ZNF804B: variants seen among roughly 807,000 people sequenced by gnomAD.
ZNF804B encodes zinc finger 804B.
ZNF804B carries 80 observed loss-of-function variants against 101.4 expected under a neutral mutation model. The ratio of observed to expected loss-of-function variants is 0.79; its 90% confidence interval spans 0.66 to 0.95. ZNF804B has a LOEUF of 0.95. ZNF804B is among the 40% of genes least tolerant of loss of function. ZNF804B has a pLI of 0.00. For missense variants in ZNF804B, 1,673 were observed against 1,561.9 expected (o/e 1.07, Z -1.20); for synonymous variants, 622 against 558.8 (o/e 1.11, Z -1.59).
chr7:88,789,993 A>T (rs1006517003), intron 1 of ZNF804B, among the ~76,000 whole-genome samples: 1 of 152,092 alleles, frequency 6.6e-6, no homozygotes, highest in African/African-American at 2.4e-5. Flanking sequence ...TTCTGCAAGA[A>T]ATCTATTACC....
chr7:89,211,934 C>A (rs531689601), intron 1 of ZNF804B, among the ~76,000 whole-genome samples: 1 of 152,084 alleles, frequency 6.6e-6, no homozygotes, highest in Non-Finnish European at 1.5e-5. Flanking sequence ...TTACTTTGAG[C>A]AGTATGGCCA....
intron 2 of ZNF804B, among the ~76,000 whole-genome samples, chr7:89,303,433 A>G (rs750879587): frequency 6.6e-6 from 1 of 151,948 alleles, no homozygotes; most frequent in Non-Finnish European, 1.5e-5. Context: ...GTACACAAAA[A>G]GTTAATCAGA....
intron 2 of ZNF804B, among the ~76,000 whole-genome samples, chr7:89,275,441 A>T (rs1789966541): frequency 6.6e-6 from 1 of 151,916 alleles, no homozygotes; most frequent in Non-Finnish European, 1.5e-5. Context: ...CTCAAAGTAG[A>T]AATCAAAATG....
intron 1 of ZNF804B, among the ~76,000 whole-genome samples, chr7:89,200,321 T>C (rs1174941103): frequency 2.6e-5 from 4 of 152,002 alleles, no homozygotes; most frequent in African/African-American, 9.7e-5. Flanking sequence ...TCATATACAA[T>C]TCCTATAGCC....
intron 2 of ZNF804B, among the ~76,000 whole-genome samples, chr7:89,274,738 A>G (rs1187233118): frequency 6.6e-6 from 1 of 151,466 alleles, no homozygotes; most frequent in Non-Finnish European, 1.5e-5. Context: ...TCTTATATCA[A>G]CTCTTCCACT....
intron 1 of ZNF804B, among the ~76,000 whole-genome samples, chr7:89,209,967 G>A (rs1425970226): frequency 6.6e-6 from 1 of 151,916 alleles, no homozygotes; most frequent in East Asian, 1.9e-4. Flanking sequence ...TGGTCAACAT[G>A]GTGAAACCCC....
At chr7:89,317,176 A>G (rs1316266024) in intron 2 of ZNF804B, among the ~76,000 whole-genome samples, 4 of 152,210 alleles carry the variant, frequency 2.6e-5, no homozygotes, top group Non-Finnish European at 4.4e-5. Context: ...GTCATTAGCC[A>G]CAGTGGGAGG....
intron 1 of ZNF804B, among the ~76,000 whole-genome samples, chr7:89,154,672 C>A (rs1790929653): frequency 6.6e-6 from 1 of 151,782 alleles, no homozygotes; most frequent in Admixed American, 6.6e-5. Context: ...AGCAATTGAC[C>A]TCATGGACAT....
intron 1 of ZNF804B, among the ~76,000 whole-genome samples, chr7:89,169,016 A>C (rs1489474969): frequency 6.6e-6 from 1 of 152,144 alleles, no homozygotes; most frequent in Admixed American, 6.6e-5. Context: ...GCCATGGGTC[A>C]AAGAAGAGAA....
chr7:88,806,905 A>G (rs1226578987), intron 1 of ZNF804B, among the ~76,000 whole-genome samples: 1 of 152,020 alleles, frequency 6.6e-6, no homozygotes, highest in Admixed American at 6.6e-5. Context: ...CTAGTTTTAC[A>G]TTTTTTATAA....
Position 89,272,884 on chromosome 7 carries a change from C to T in ZNF804B, c.250-54460C>T, listed in dbSNP as rs187499762. On this transcript the variant is annotated intron_variant, in intron 2 of 3. Coordinates refer to ENST00000333190, the MANE Select transcript of ZNF804B (RefSeq NM_181646.5). ...CAACTCCAATTCTGTCTACCTATTC[C>T]CCAGCTTTGGGACAAATGTTGCCTT... 7.2e-5 allele frequency among the ~76,000 whole-genome samples: 11 copies of T among 152,132 alleles called. No homozygotes were observed. The East Asian group carries it at 2.1e-3, about 29-fold the overall frequency.
intron 1 of ZNF804B, among the ~76,000 whole-genome samples, chr7:88,993,015 C>T (rs1438130215): frequency 6.6e-6 from 1 of 151,652 alleles, no homozygotes; most frequent in African/African-American, 2.4e-5. Flanking sequence ...ACAAAGATCA[C>T]ATATTTTATT....
intron 1 of ZNF804B, among the ~76,000 whole-genome samples, chr7:88,784,677 C>A (rs1461543101): frequency 1.3e-5 from 2 of 152,148 alleles, no homozygotes; most frequent in African/African-American, 4.8e-5. Context: ...ACCAGACTCT[C>A]GCTCCTCAAC....
At chr7:89,186,417 G>A (rs1788375823) in intron 1 of ZNF804B, among the ~76,000 whole-genome samples, 1 of 152,048 alleles carries the variant, frequency 6.6e-6, no homozygotes. Context: ...GTCTTTGCTT[G>A]TTTGATATAG....
chr7:88,781,624 C>T (rs189676930), intron 1 of ZNF804B, among the ~76,000 whole-genome samples: 1 of 152,104 alleles, frequency 6.6e-6, no homozygotes. Flanking sequence ...TGATAATTTT[C>T]TTATATCATT....
chr7:89,227,492 A>G (rs1411579191), intron 2 of ZNF804B, among the ~76,000 whole-genome samples: 4 of 152,222 alleles, frequency 2.6e-5, no homozygotes, highest in Non-Finnish European at 4.4e-5. Flanking sequence ...GAGAGTGTAT[A>G]AAAAAGAAAG....
chr7:89,234,822 C>T (rs572530309), intron 2 of ZNF804B, among the ~76,000 whole-genome samples: 1 of 152,280 alleles, frequency 6.6e-6, no homozygotes, highest in East Asian at 1.9e-4. Flanking sequence ...CTGGGAGATG[C>T]ACTGTTGTCT....
At chr7:88,783,739 G>A (rs1395279990) in intron 1 of ZNF804B, among the ~76,000 whole-genome samples, 1 of 152,078 alleles carries the variant, frequency 6.6e-6, no homozygotes, top group East Asian at 1.9e-4. Flanking sequence ...TAAAAAACAT[G>A]ATACGTTAGT....
chr7:89,064,512 G>C (rs1789425410), intron 1 of ZNF804B, among the ~76,000 whole-genome samples: 1 of 152,166 alleles, frequency 6.6e-6, no homozygotes, highest in African/African-American at 2.4e-5. Context: ...ATGTGGTTTA[G>C]ATTAGAGCTC....
Sources: allele counts gnomAD v4.1 joint callset (sites outside exome capture counted in the v4.1 genomes callset), GRCh38; gene constraint gnomAD v4.1.1; transcripts MANE v1.5; gene names NCBI Gene and HGNC (gene_info 2026-07-23, HGNC 2026-07-21).